The following TENM2 variants were observed in gnomAD, a reference collection of about 807,000 sequenced individuals.
The protein encoded by TENM2 is teneurin-2.
TENM2 carries 52 observed loss-of-function variants against 245.2 expected under a neutral mutation model. The ratio of observed to expected loss-of-function variants is 0.21; its 90% CI spans 0.17 to 0.27. The LOEUF (loss-of-function observed/expected upper bound fraction) is 0.27. Ranked by LOEUF, TENM2 falls within the 10% of genes least tolerant of loss-of-function variation. The probability of loss-of-function intolerance (pLI) is 1.00; values close to 1 mark genes in which losing one functional copy is unlikely to be tolerated. For synonymous variants in TENM2, 1,363 were observed against 1,438.9 expected (o/e 0.95, Z 1.19); for missense variants, 3,046 against 3,666.8 (o/e 0.83, Z 4.37).
At chr5:167,267,696 TTA>T in the TENM2 span, among the ~76,000 whole-genome samples, 1 of 152,180 alleles carries the variant, frequency 6.6e-6, no homozygotes, top group Non-Finnish European at 1.5e-5. Context: ...GATTACAGCA[TTA>T]TGTTTCTGGT....
intron 1 of TENM2, among the ~76,000 whole-genome samples, chr5:167,327,295 G>A (rs1895266): frequency 0.55 from 83,818 of 152,010 alleles, 23,378 homozygotes; most frequent in Admixed American, 0.62. Flanking sequence ...TTGTCCTTGC[G>A]ATAGTTTGCT....
At chr5:167,148,110 G>A in the TENM2 span, among the ~76,000 whole-genome samples, 1 of 152,112 alleles carries the variant, frequency 6.6e-6, no homozygotes, top group Non-Finnish European at 1.5e-5. Flanking sequence ...GAGTATTATT[G>A]CAGCCTCTTA....
chr5:167,704,088 G>C (rs1185420597), intron 2 of TENM2, among the ~76,000 whole-genome samples: 1 of 152,146 alleles, frequency 6.6e-6, no homozygotes, highest in Non-Finnish European at 1.5e-5. Context: ...GAACTGTGTG[G>C]TGGAAATTGG....
At chr5:168,205,313 G>T (rs1338783894) in intron 19 of TENM2, among the ~76,000 whole-genome samples, 1 of 150,512 alleles carries the variant, frequency 6.6e-6, no homozygotes, top group Non-Finnish European at 1.5e-5. Flanking sequence ...GAGCTTTCTG[G>T]CTAGAAAAAA....
At chr5:168,136,172 C>T (rs969937488) in intron 12 of TENM2, among the ~76,000 whole-genome samples, 11 of 152,130 alleles carry the variant, frequency 7.2e-5, no homozygotes, top group Non-Finnish European at 1.5e-4. Context: ...GACACGTACT[C>T]CAGCCCTTCA....
chr5:168,042,745 C>T (rs1441733697), intron 5 of TENM2, among the ~76,000 whole-genome samples: 1 of 152,182 alleles, frequency 6.6e-6, no homozygotes, highest in Non-Finnish European at 1.5e-5. Flanking sequence ...ATTATCCTTA[C>T]TGAAATCGGG....
chr5:167,696,480 T>C (rs188905741), intron 2 of TENM2, among the ~76,000 whole-genome samples: 1 of 152,354 alleles, frequency 6.6e-6, no homozygotes, highest in East Asian at 1.9e-4. Context: ...CCACACTTTT[T>C]ATCTCAACAC....
intron 2 of TENM2, among the ~76,000 whole-genome samples, chr5:167,702,854 G>A (rs1243164882): frequency 1.3e-5 from 2 of 151,876 alleles, no homozygotes; most frequent in African/African-American, 2.4e-5. Context: ...TAGTAGAGAC[G>A]GTGTTTCACC....
chr5:168,203,056 C>G (rs1762062224), intron 17 of TENM2, among the ~76,000 whole-genome samples: 1 of 152,166 alleles, frequency 6.6e-6, no homozygotes, highest in Non-Finnish European at 1.5e-5. Context: ...TCCCATTTGT[C>G]CATGTGGCAA....
At chr5:167,146,525 G>A in the TENM2 span, among the ~76,000 whole-genome samples, 3 of 152,194 alleles carry the variant, frequency 2.0e-5, no homozygotes, top group East Asian at 5.8e-4. Context: ...CTGCGGAGTG[G>A]AAATGAAATG....
At chr5:168,110,315 T>A (rs1419520877) in intron 9 of TENM2, among the ~76,000 whole-genome samples, 1 of 152,142 alleles carries the variant, frequency 6.6e-6, no homozygotes, top group East Asian at 1.9e-4. Flanking sequence ...AAAACAGTGA[T>A]AATAAAATCC....
chr5:167,959,810 G>A (rs1780859996), intron 4 of TENM2, among the ~76,000 whole-genome samples: 2 of 152,120 alleles, frequency 1.3e-5, no homozygotes, highest in South Asian at 4.1e-4. Context: ...CAGCCTTTTT[G>A]CGCTATTTTT....
At chr5:167,804,150 G>A (rs1250489436) in intron 2 of TENM2, among the ~76,000 whole-genome samples, 1 of 151,996 alleles carries the variant, frequency 6.6e-6, no homozygotes, top group African/African-American at 2.4e-5. Flanking sequence ...TTGGATAAGA[G>A]ATACCTAATC....
At chr5:167,429,511 T>A (rs2127439144) in intron 2 of TENM2, among the ~76,000 whole-genome samples, 1 of 151,276 alleles carries the variant, frequency 6.6e-6, no homozygotes, top group East Asian at 1.9e-4. Context: ...AAAGCACAAG[T>A]GAGGACTGAA....
At chr5:167,069,955 A>G in the TENM2 span, among the ~76,000 whole-genome samples, 344 of 152,252 alleles carry the variant, frequency 2.3e-3, 6 homozygotes, top group East Asian at 0.038. Context: ...CAATCAACAT[A>G]TAAACTTTAT....
At chr5:168,200,502 G>A (rs1761844729) in intron 17 of TENM2, among the ~76,000 whole-genome samples, 1 of 152,178 alleles carries the variant, frequency 6.6e-6, no homozygotes, top group Non-Finnish European at 1.5e-5. Flanking sequence ...GAGGATTTCA[G>A]GCAGAGAGAA....
the TENM2 span, among the ~76,000 whole-genome samples, chr5:167,205,370 G>A: frequency 6.6e-6 from 1 of 152,154 alleles, no homozygotes; most frequent in East Asian, 1.9e-4. Flanking sequence ...GACAGAGTGA[G>A]ACTCTGTCTC....
chr5:167,239,623 G>A, the TENM2 span, among the ~76,000 whole-genome samples: 1 of 152,150 alleles, frequency 6.6e-6, no homozygotes, highest in African/African-American at 2.4e-5. Context: ...GTAGTCTGTG[G>A]ATAATTTGAA....
At chr5:167,339,850 C>T (rs149749561) in intron 1 of TENM2, among the ~76,000 whole-genome samples, 4 of 152,266 alleles carry the variant, frequency 2.6e-5, no homozygotes, top group African/African-American at 7.2e-5. Flanking sequence ...AGCAACACTT[C>T]CCTCTGGAAT....
Sources: gnomAD v4.1 joint callset for allele counts (sites outside exome capture counted in the v4.1 genomes callset) on GRCh38, gnomAD v4.1.1 for gene constraint, MANE v1.5 for transcripts, NCBI Gene and HGNC (gene_info 2026-07-23, HGNC 2026-07-21) for gene names.